Variants in EYS observed in about 807,000 individuals in gnomAD.
The protein encoded by EYS is EGF-like photoreceptor maintenance factor, also known as protein eyes shut homolog.
In EYS, 250 loss-of-function variants were observed where a neutral mutation model predicts 282.1. That is an observed-to-expected ratio of 0.89 (90% CI 0.80 to 0.98). The LOEUF (loss-of-function observed/expected upper bound fraction) is 0.98, where lower values mean the gene tolerates loss of function less well. EYS is among the 50% of genes least tolerant of loss of function. EYS has a pLI of 0.00. For synonymous variants in EYS, 1,355 were observed against 1,282.9 expected (o/e 1.06, Z -1.20); for missense variants, 4,016 against 3,709.0 (o/e 1.08, Z -2.15).
At chr6:64,350,287 A>C (rs1052924333) in intron 29 of EYS, among the ~76,000 whole-genome samples, 4 of 151,570 alleles carry the variant, frequency 2.6e-5, no homozygotes, top group African/African-American at 7.3e-5. Flanking sequence ...ATCTGAAAAA[A>C]AGGTAAAGAC....
At chr6:64,799,792 A>C (rs1290756969) in intron 22 of EYS, among the ~76,000 whole-genome samples, 1 of 151,782 alleles carries the variant, frequency 6.6e-6, no homozygotes, top group African/African-American at 2.4e-5. Flanking sequence ...TCACATATTT[A>C]AGTATCTGAA....
At chr6:64,671,495 TG>T (rs1393266107) in intron 22 of EYS, among the ~76,000 whole-genome samples, 1 of 152,078 alleles carries the variant, frequency 6.6e-6, no homozygotes, top group African/African-American at 2.4e-5. Flanking sequence ...AAGCCGCCCA[TG>T]TATTATATTT....
intron 39 of EYS, 188 bp from the exon 40 acceptor site, chr6:63,778,368 T>C: frequency 1.7e-6 from 1 of 577,850 alleles, no homozygotes; most frequent in South Asian, 2.1e-5. Flanking sequence ...ATGATATCAT[T>C]TCACAGCAGA....
At chr6:65,170,949 T>C (rs1581978241) in intron 12 of EYS, among the ~76,000 whole-genome samples, 1 of 151,654 alleles carries the variant, frequency 6.6e-6, no homozygotes, top group Non-Finnish European at 1.5e-5. Flanking sequence ...TCAATAATTT[T>C]ATATTTTAAG....
At chr6:63,792,652 T>G (rs1223232817) in intron 37 of EYS, among the ~76,000 whole-genome samples, 1 of 151,874 alleles carries the variant, frequency 6.6e-6, no homozygotes, top group Non-Finnish European at 1.5e-5. Flanking sequence ...ACCACTTGCA[T>G]GAGAATCTTT....
At chr6:63,803,855 G>A (rs1770837389) in intron 37 of EYS, among the ~76,000 whole-genome samples, 1 of 152,026 alleles carries the variant, frequency 6.6e-6, no homozygotes, top group Admixed American at 6.6e-5. Flanking sequence ...ATAAATAAAA[G>A]GATACTAAAT....
Position 64,912,588 on chromosome 6 carries a change from C to A in EYS, c.2537G>T (p.Cys846Phe). 1 of 1,551,140 alleles carries A rather than the reference C, an allele frequency of 6.4e-7. No individual in the cohort carries two copies. Among genetic ancestry groups the A allele is most frequent in the Non-Finnish European group, 8.7e-7 (1 of 1,146,632 alleles). Reference protein sequence around the residue: ...LCPPLYTGQFCHQRYNLCDLL... With the variant: ...LCPPLYTGQFFHQRYNLCDLL... ...GTCACAAAGGTTATAGCGTTGGTGGCAAAATTGTCCAGTATAAAGGGGTGG... is the reference window on the plus strand; with the variant it reads ...GTCACAAAGGTTATAGCGTTGGTGGAAAAATTGTCCAGTATAAAGGGGTGG... Residue 846 changes from cysteine (C) to phenylalanine (F), a missense_variant, in exon 16 of 43, where the codon TGC (cysteine) becomes TTC (phenylalanine). Cys to Phe is a radical substitution (Grantham distance 205). Transcript: ENST00000503581.
At chr6:64,998,401 A>T (rs1771347675) in intron 13 of EYS, among the ~76,000 whole-genome samples, 4 of 152,092 alleles carry the variant, frequency 2.6e-5, no homozygotes. Context: ...TGAAATCTAT[A>T]CTCCCATTAT....
intron 12 of EYS, among the ~76,000 whole-genome samples, chr6:65,120,550 C>T (rs1391563821): frequency 6.7e-6 from 1 of 149,380 alleles, no homozygotes; most frequent in Non-Finnish European, 1.5e-5. Flanking sequence ...TAATGCAAAC[C>T]ATGTGGAGTT....
intron 35 of EYS, among the ~76,000 whole-genome samples, chr6:63,939,451 G>T (rs1326271668): frequency 6.6e-6 from 1 of 152,120 alleles, no homozygotes; most frequent in Non-Finnish European, 1.5e-5. Flanking sequence ...ACAAAAGAAA[G>T]AGTAAGACAA....
chr6:65,595,293 G>T (rs899875642), intron 2 of EYS, among the ~76,000 whole-genome samples: 10 of 151,896 alleles, frequency 6.6e-5, no homozygotes, highest in African/African-American at 2.4e-4. Context: ...CACAGCAAGG[G>T]GAATATCACA....
chr6:64,981,378 G>C (rs1198029521), intron 14 of EYS, among the ~76,000 whole-genome samples: 1 of 151,094 alleles, frequency 6.6e-6, no homozygotes, highest in Non-Finnish European at 1.5e-5. Flanking sequence ...AGCCTACCAG[G>C]TCTTTCATCA....
chr6:63,841,386 A>C (rs142301271), intron 36 of EYS, among the ~76,000 whole-genome samples: 24 of 152,274 alleles, frequency 1.6e-4, no homozygotes, highest in Admixed American at 8.5e-4. Flanking sequence ...CTTTGCCACT[A>C]ATTAGCCAGT....
At chr6:65,132,423 A>C (rs771529219) in intron 12 of EYS, among the ~76,000 whole-genome samples, 2 of 152,084 alleles carry the variant, frequency 1.3e-5, no homozygotes, top group Non-Finnish European at 2.9e-5. Flanking sequence ...AAATCAATGA[A>C]TGTGATTAAT....
At chr6:64,137,743 C>G (rs1056111609) in intron 31 of EYS, among the ~76,000 whole-genome samples, 2 of 152,100 alleles carry the variant, frequency 1.3e-5, no homozygotes, top group East Asian at 1.9e-4. Flanking sequence ...AAAACAATGA[C>G]AGTAGTAATA....
chr6:64,932,251 T>C (rs557954925), intron 15 of EYS, among the ~76,000 whole-genome samples: 5 of 152,132 alleles, frequency 3.3e-5, no homozygotes, highest in African/African-American at 9.6e-5. Flanking sequence ...GAGGGGATAG[T>C]ACAGGTATGC....
At chr6:65,515,794 G>A (rs1439439307) in intron 2 of EYS, among the ~76,000 whole-genome samples, 1 of 115,236 alleles carries the variant, frequency 8.7e-6, no homozygotes, top group Non-Finnish European at 1.7e-5. Flanking sequence ...ACTGTTGTGG[G>A]GTGGGGGGAG....
chr6:65,083,762 T>G (rs1246363486), intron 12 of EYS, among the ~76,000 whole-genome samples: 1 of 151,792 alleles, frequency 6.6e-6, no homozygotes, highest in Non-Finnish European at 1.5e-5. Context: ...CTAAGTATGC[T>G]TTCTATTAGA....
At position 64,988,511 on chromosome 6, in the gene EYS, T is replaced by C. The variant is rs73765708; in HGVS notation, c.2259+9071A>G. 2.4e-3 allele frequency among the ~76,000 whole-genome samples: 362 copies of C among 151,644 alleles called. 2 individuals are homozygous for C. The highest frequency in any genetic ancestry group is 8.1e-3 in the African/African-American group (338 of 41,486). ...GACGTACAGGTAAACACCTGACCAT[T>C]CATTTCTTCTTTCCTTCCTTTCTTT... On this transcript the variant is annotated intron_variant, in intron 14 of 42. Coordinates refer to ENST00000503581, the MANE Select transcript of EYS (RefSeq NM_001142800.2).
Sources: gnomAD v4.1 joint callset for allele counts (sites outside exome capture counted in the v4.1 genomes callset) on GRCh38, gnomAD v4.1.1 for gene constraint, MANE v1.5 for transcripts, NCBI Gene and HGNC (gene_info 2026-07-23, HGNC 2026-07-21) for gene names.